ZC3H6: variants seen among roughly 807,000 people sequenced by gnomAD.
ZC3H6 encodes zinc finger CCCH domain-containing protein 6.
Under a neutral mutation model 107.7 loss-of-function variants are expected in ZC3H6, and 40 were observed. The ratio of observed to expected loss-of-function variants is 0.37; its 90% CI spans 0.29 to 0.48. ZC3H6 has a LOEUF of 0.48. Among genes scored for constraint, ZC3H6 ranks in the 20% least tolerant of loss-of-function variants. ZC3H6 has a pLI of 0.98. For missense variants in ZC3H6, 1,267 were observed against 1,410.4 expected (o/e 0.90, Z 1.63); for synonymous variants, 493 against 487.9 (o/e 1.01, Z -0.14).
intron 5 of ZC3H6, 94 bp downstream of exon 5, chr2:112,312,031 T>A (rs1676604809): frequency 1.6e-6 from 2 of 1,265,888 alleles, no homozygotes; most frequent in Admixed American, 6.2e-5. Flanking sequence ...ATGATACTTC[T>A]CTAGTAAATG....
At position 112,324,495 on chromosome 2, in the gene ZC3H6, A is replaced by G. The variant is rs1676868691; in HGVS notation, c.1684A>G (p.Lys562Glu). The part of the protein sequence containing the change: ...HSPGFPGHVM[K>E]VPRENHCSPG... ...CCCAGGCTTTCCAGGACATGTGATG[A>G]AAGTACCCAGAGAGAATCACTGTTC... is the stretch of plus-strand genomic sequence containing the variant. The change falls in exon 10 of 12, where the codon AAA becomes GAA. Residue 562 changes from lysine to glutamate, a missense_variant. Transcript: ENST00000409871. 1 of 1,613,502 alleles carries G rather than the reference A, an allele frequency of 6.2e-7. No individual in the cohort carries two copies. The highest frequency in any genetic ancestry group is 1.3e-5 in the African/African-American group (1 of 74,938).
intron 1 of ZC3H6, among the ~76,000 whole-genome samples, chr2:112,291,109 C>G (rs1676105339): frequency 6.6e-6 from 1 of 152,240 alleles, no homozygotes; most frequent in South Asian, 2.1e-4. Flanking sequence ...TGACTGACAT[C>G]TAAAAATTAG....
At chr2:112,326,765 A>G (rs984510330) in intron 11 of ZC3H6, among the ~76,000 whole-genome samples, 4 of 152,092 alleles carry the variant, frequency 2.6e-5, no homozygotes, top group Non-Finnish European at 5.9e-5. Context: ...GGTGTGCACC[A>G]CCATGCCCAG....
At chr2:112,330,451 C>G (rs1166582831) in intron 11 of ZC3H6, among the ~76,000 whole-genome samples, 1 of 152,170 alleles carries the variant, frequency 6.6e-6, no homozygotes, top group African/African-American at 2.4e-5. Context: ...AGTCTCTACC[C>G]CATTCCTCAT....
intron 1 of ZC3H6, among the ~76,000 whole-genome samples, chr2:112,290,650 G>A (rs1179110442): frequency 6.7e-6 from 1 of 149,358 alleles, no homozygotes; most frequent in Non-Finnish European, 1.5e-5. Flanking sequence ...TGAATGAATG[G>A]CCTTTTTTTT....
chr2:112,314,108 G>T (rs1018077459), intron 5 of ZC3H6, among the ~76,000 whole-genome samples: 1 of 151,890 alleles, frequency 6.6e-6, no homozygotes, highest in African/African-American at 2.4e-5. Context: ...ATCTTCTAAA[G>T]TAAATAAGTT....
At position 112,317,203 on chromosome 2, in the gene ZC3H6, T is replaced by TC; in HGVS notation, c.865-18_865-17insC. On this transcript the variant is annotated splice_polypyrimidine_tract_variant and intron_variant, in intron 6 of 11. Coordinates refer to ENST00000409871, the MANE Select transcript of ZC3H6 (RefSeq NM_198581.3). ...CTTACCTTTTTTTCTTTTTTCTTTT[T>TC]TTTTTTTTTGTGAATAGGGAGATCA... The TC allele has an allele frequency of 7.4e-7, 1 of 1,348,018 alleles. No individual in the cohort carries two copies. The highest frequency in any genetic ancestry group is 9.8e-7 in the Non-Finnish European group (1 of 1,019,418). 83.5% of individuals were successfully genotyped at this position (1,348,018 alleles called of 1,614,324 possible).
intron 11 of ZC3H6, among the ~76,000 whole-genome samples, chr2:112,329,772 C>T (rs1676985028): frequency 6.6e-6 from 1 of 152,176 alleles, no homozygotes; most frequent in Admixed American, 6.5e-5. Context: ...TATATCTATA[C>T]ATCTGTATTC....
intron 3 of ZC3H6, among the ~76,000 whole-genome samples, chr2:112,309,401 C>T (rs1275415032): frequency 6.6e-6 from 1 of 151,904 alleles, no homozygotes; most frequent in Non-Finnish European, 1.5e-5. Context: ...TCTATTAGAC[C>T]CTTGATATAG....
Position 112,332,398 on chromosome 2 carries a change from C to G in ZC3H6, c.3480C>G (p.Thr1160=). 1 of 1,613,582 alleles carries G rather than the reference C, an allele frequency of 6.2e-7. No homozygotes were observed. The highest frequency in any genetic ancestry group is 1.1e-5 in the South Asian group (1 of 91,082). The stretch of plus-strand genomic sequence containing the variant: ...GGCAGCCAGGACAGGGGAGCCCGAC[C>G]CCAGATAATGATCCCGGTAGAGAAA... ...QARQPGQGSP[T]PDNDPGRETD... is the part of the protein sequence containing the mutation. The change falls in exon 12 of 12, where the codon ACC becomes ACG. Residue 1160 remains threonine, a synonymous_variant. Transcript: ENST00000409871.
chr2:112,316,601 G>T lies in ZC3H6; in HGVS notation c.864+15G>T. On this transcript the variant is annotated intron_variant, in intron 6 of 11. Transcript: ENST00000409871. ...GGTGTATTAAGGTAAATTTATAGAG[G>T]TATCATAAGTCATTTTAACTTCCAA... 6.8e-7 allele frequency: 1 copy of T among 1,463,612 alleles called. No homozygotes were observed. Among genetic ancestry groups the T allele is most frequent in the East Asian group, 2.3e-5 (1 of 42,664 alleles). 90.7% of individuals were successfully genotyped at this position (1,463,612 alleles called of 1,614,324 possible).
chr2:112,325,220 C>A, intron 11 of ZC3H6, 23 bp downstream of exon 11: 1 of 1,606,992 alleles, frequency 6.2e-7, no homozygotes, highest in Non-Finnish European at 8.5e-7. Flanking sequence ...TTATTAATAG[C>A]ATCTTACCTA....
intron 4 of ZC3H6, 28 bp from the exon 5 acceptor site, chr2:112,311,776 A>G: frequency 6.3e-7 from 1 of 1,575,236 alleles, no homozygotes; most frequent in Non-Finnish European, 8.6e-7. Context: ...TTTTTCTTTT[A>G]AATTTAAGTA....
intron 3 of ZC3H6, among the ~76,000 whole-genome samples, chr2:112,307,920 A>G (rs892918431): frequency 6.6e-6 from 1 of 152,240 alleles, no homozygotes; most frequent in African/African-American, 2.4e-5. Context: ...TTGTATGAGA[A>G]GCATCTAATC....
intron 1 of ZC3H6, among the ~76,000 whole-genome samples, chr2:112,287,608 A>C (rs544789025): frequency 1.3e-5 from 2 of 150,212 alleles, no homozygotes; most frequent in African/African-American, 4.9e-5. Context: ...TGGAAAAAAA[A>C]TTTTTTTTTT....
chr2:112,305,848 T>A (rs143036482), intron 3 of ZC3H6, among the ~76,000 whole-genome samples: 53 of 152,314 alleles, frequency 3.5e-4, no homozygotes, highest in African/African-American at 1.2e-3. Context: ...AGAACTCCTG[T>A]ATATCTTTCA....
intron 8 of ZC3H6, among the ~76,000 whole-genome samples, chr2:112,322,301 C>T (rs1676817241): frequency 6.6e-6 from 1 of 151,910 alleles, no homozygotes; most frequent in Non-Finnish European, 1.5e-5. Flanking sequence ...TTACTGCAAC[C>T]TCCACACCCT....
At chr2:112,312,965 T>C (rs1315157485) in intron 5 of ZC3H6, among the ~76,000 whole-genome samples, 1 of 152,048 alleles carries the variant, frequency 6.6e-6, no homozygotes, top group African/African-American at 2.4e-5. Context: ...AGTTTAAAGA[T>C]AGTGGGCAGA....
chr2:112,315,353 T>A (rs2104716145), intron 5 of ZC3H6, among the ~76,000 whole-genome samples: 1 of 152,294 alleles, frequency 6.6e-6, no homozygotes, highest in South Asian at 2.1e-4. Flanking sequence ...AGTTTTTTTC[T>A]TAACTTTTTA....
Sources: gnomAD v4.1 joint callset for allele counts (sites outside exome capture counted in the v4.1 genomes callset) on GRCh38, gnomAD v4.1.1 for gene constraint, MANE v1.5 for transcripts, NCBI Gene and HGNC (gene_info 2026-07-23, HGNC 2026-07-21) for gene names.